Variants in CAMTA1 observed in about 807,000 individuals in gnomAD.
The protein encoded by CAMTA1 is calmodulin-binding transcription activator 1.
Under a neutral mutation model 170.9 loss-of-function variants are expected in CAMTA1, and 27 were observed. The ratio of observed to expected loss-of-function variants is 0.16; its 90% CI spans 0.12 to 0.22. The LOEUF (loss-of-function observed/expected upper bound fraction) is 0.22. CAMTA1 is among the 10% of genes least tolerant of loss of function. The probability of loss-of-function intolerance (pLI) is 1.00; values close to 1 mark genes in which losing one functional copy is unlikely to be tolerated. For missense variants in CAMTA1, 1,619 were observed against 2,217.2 expected (o/e 0.73, Z 5.42); for synonymous variants, 833 against 891.5 (o/e 0.93, Z 1.17).
At chr1:7,096,391 C>T (rs1371529703) in intron 4 of CAMTA1, among the ~76,000 whole-genome samples, 3 of 152,150 alleles carry the variant, frequency 2.0e-5, no homozygotes, top group Admixed American at 1.3e-4. Flanking sequence ...CAGGACTCCC[C>T]GACACCATGG....
rs552588936 is a variant in CAMTA1, at chr1:7,049,407, G to A, written c.235-41897G>A. 4.6e-5 allele frequency among the ~76,000 whole-genome samples: 7 copies of A among 152,270 alleles called. No homozygotes were observed. In the South Asian group the frequency reaches 8.3e-4, roughly 18 times the overall value. ...TGTGATCGATCCTGCTATGCATATT[G>A]TTGCATTCCATCTTCATTTTGTGTC... is the stretch of plus-strand genomic sequence containing the variant. On this transcript the variant is annotated intron_variant, in intron 3 of 22. Transcript: ENST00000303635.
At position 7,310,671 on chromosome 1, in the gene CAMTA1, C is replaced by T. The variant is rs113204905; in HGVS notation, c.438+61045C>T. 4.4e-3 allele frequency among the ~76,000 whole-genome samples: 145 copies of T among 33,222 alleles called. 3 individuals are homozygous for T. Among genetic ancestry groups the T allele is most frequent in the African/African-American group, 5.6e-3 (36 of 6,410 alleles). The allele number at this position is 33,222 out of a possible 152,430, so 21.8% of individuals were successfully genotyped here. ...TTTTTCTTTCTTTCTTTCTTTCTTT[C>T]CTTTCTTTCTCTCTCTCTCTCTCTC... is the stretch of plus-strand genomic sequence containing the variant. On this transcript the variant is annotated intron_variant, in intron 5 of 22. Transcript: ENST00000303635.
At chr1:7,317,657 T>C (rs1264528458) in intron 5 of CAMTA1, among the ~76,000 whole-genome samples, 1 of 152,170 alleles carries the variant, frequency 6.6e-6, no homozygotes, top group Non-Finnish European at 1.5e-5. Flanking sequence ...CTGGAAGCGG[T>C]TGAGCTGGAT....
At chr1:7,512,367 G>T (rs2094213077) in intron 6 of CAMTA1, among the ~76,000 whole-genome samples, 2 of 152,194 alleles carry the variant, frequency 1.3e-5, no homozygotes, top group Non-Finnish European at 2.9e-5. Context: ...GGTCCTGGAG[G>T]GATGACAAGA....
At chr1:6,980,703 G>A (rs953763819) in intron 3 of CAMTA1, among the ~76,000 whole-genome samples, 1 of 152,022 alleles carries the variant, frequency 6.6e-6, no homozygotes, top group African/African-American at 2.4e-5. Context: ...TTTGAAAAGG[G>A]GAGTTCCCCT....
At chr1:7,128,458 C>T (rs2148513422) in intron 4 of CAMTA1, among the ~76,000 whole-genome samples, 1 of 152,238 alleles carries the variant, frequency 6.6e-6, no homozygotes, top group Admixed American at 6.5e-5. Context: ...GCATCCTTGG[C>T]AAATCCAAGA....
intron 11 of CAMTA1, among the ~76,000 whole-genome samples, chr1:7,709,563 T>C (rs1457894147): frequency 2.0e-5 from 3 of 152,170 alleles, no homozygotes; most frequent in African/African-American, 7.2e-5. Context: ...GGTCTTGAGG[T>C]GGCCCTAAAA....
In CAMTA1 at chr1:7,450,926, G is replaced by A. The variant is rs977807441; in HGVS notation, c.439-16904G>A. Among the ~76,000 whole-genome samples, 6 of 152,294 alleles carry A rather than the reference G, an allele frequency of 3.9e-5. No individual in the cohort carries two copies. In the South Asian group the frequency reaches 1.2e-3, roughly 32 times the overall value. ...GATTCCTCCCTTCCACCCCCAGGAGGATCATCCTAGAGGCTGCAGGACAAT... is the reference window on the plus strand; with the variant it reads ...GATTCCTCCCTTCCACCCCCAGGAGAATCATCCTAGAGGCTGCAGGACAAT... On this transcript the variant is annotated intron_variant, in intron 5 of 22. Transcript: ENST00000303635.
rs1391335851 is a variant in CAMTA1, at chr1:7,093,177, C to A, written c.302+1806C>A. 6.6e-6 allele frequency among the ~76,000 whole-genome samples: 1 copy of A among 152,178 alleles called. No homozygotes were observed. Among genetic ancestry groups the A allele is most frequent in the Non-Finnish European group, 1.5e-5 (1 of 68,036 alleles). On this transcript the variant is annotated intron_variant, in intron 4 of 22. Coordinates refer to ENST00000303635, the MANE Select transcript of CAMTA1 (RefSeq NM_015215.4). The surrounding 1 kb of genome is among the most constrained non-coding windows in gnomAD (Gnocchi z 4.6). ...CTCAAACTTGAGCAGGCATCAGAAT[C>A]AGCTGAGGGCTCATTAAAATGCGGG...
chr1:7,236,172 G>A (rs1663816867), intron 4 of CAMTA1, among the ~76,000 whole-genome samples: 1 of 152,228 alleles, frequency 6.6e-6, no homozygotes, highest in Non-Finnish European at 1.5e-5. Context: ...TTGAAAGTTA[G>A]TAAGCCAGTT....
At chr1:7,169,243 T>C (rs1309119567) in intron 4 of CAMTA1, among the ~76,000 whole-genome samples, 2 of 152,206 alleles carry the variant, frequency 1.3e-5, no homozygotes. Flanking sequence ...GGCTTCTATA[T>C]TTCTTTTCTC....
At chr1:7,705,343 C>T (rs541223040) in intron 11 of CAMTA1, among the ~76,000 whole-genome samples, 1 of 146,706 alleles carries the variant, frequency 6.8e-6, no homozygotes, top group Admixed American at 6.7e-5. Context: ...GGCCGTGTGT[C>T]TGGAGTGGCC....
At chr1:7,416,757 A>C (rs545583760) in intron 5 of CAMTA1, among the ~76,000 whole-genome samples, 2 of 152,064 alleles carry the variant, frequency 1.3e-5, no homozygotes. Context: ...TCTTCTCTCA[A>C]CTCGTCAAAG....
At chr1:7,759,443 C>T (rs1332627625) in intron 22 of CAMTA1, among the ~76,000 whole-genome samples, 3 of 152,158 alleles carry the variant, frequency 2.0e-5, no homozygotes, top group African/African-American at 7.2e-5. Context: ...TCAGGCCTAC[C>T]TCTTAATTTA....
At chr1:7,025,147 A>G (rs1389644987) in intron 3 of CAMTA1, among the ~76,000 whole-genome samples, 1 of 152,216 alleles carries the variant, frequency 6.6e-6, no homozygotes, top group East Asian at 1.9e-4. Flanking sequence ...CATTGCAGCT[A>G]TGTGCGTAAT....
chr1:7,539,604 TTCCTC>T (rs1284105358), intron 6 of CAMTA1, among the ~76,000 whole-genome samples: 1 of 152,238 alleles, frequency 6.6e-6, no homozygotes, highest in African/African-American at 2.4e-5. Flanking sequence ...TGCAGCCTGA[TTCCTC>T]TGTTTCCTAT....
chr1:7,724,087 G>A (rs1275198492), intron 11 of CAMTA1, among the ~76,000 whole-genome samples: 1 of 152,194 alleles, frequency 6.6e-6, no homozygotes, highest in Non-Finnish European at 1.5e-5. Flanking sequence ...CCAAAGTGCT[G>A]GGATTACAGG....
intron 5 of CAMTA1, among the ~76,000 whole-genome samples, chr1:7,352,326 G>T (rs1433475089): frequency 6.6e-6 from 1 of 152,176 alleles, no homozygotes; most frequent in Non-Finnish European, 1.5e-5. Flanking sequence ...CATCTGGGAG[G>T]TGACAAAAAT....
chr1:7,051,787 C>T lies in CAMTA1; in HGVS notation c.235-39517C>T, dbSNP rs372035317. ...TTGTATTCATTCGAATAGGTGGTCC[C>T]GTTAAACCCAAGATGGTGCTCTGTG... On this transcript the variant is annotated intron_variant, in intron 3 of 22. Coordinates refer to ENST00000303635, the MANE Select transcript of CAMTA1 (RefSeq NM_015215.4). 7.9e-5 allele frequency among the ~76,000 whole-genome samples: 12 copies of T among 151,574 alleles called. No individual in the cohort carries two copies. The East Asian group carries it at 1.6e-3, about 20-fold the overall frequency.
Sources: gnomAD v4.1 joint callset for allele counts (sites outside exome capture counted in the v4.1 genomes callset) on GRCh38, gnomAD v4.1.1 for gene constraint, Gnocchi (gnomAD v3.1) non-coding constraint, MANE v1.5 for transcripts, NCBI Gene and HGNC (gene_info 2026-07-23, HGNC 2026-07-21) for gene names.